The following SHTN1 variants were observed in gnomAD, a reference collection of about 807,000 sequenced individuals.
SHTN1 encodes shootin-1.
A neutral mutation model predicts 83.1 loss-of-function variants in SHTN1; 42 were observed. The observed-to-expected ratio is 0.51, with a 90% CI of 0.39 to 0.65. The LOEUF is 0.65. SHTN1 is among the 30% of genes least tolerant of loss of function. The probability of loss-of-function intolerance (pLI) is 0.00; values close to 1 mark genes in which losing one functional copy is unlikely to be tolerated. For synonymous variants in SHTN1, 224 were observed against 247.7 expected (o/e 0.90, Z 0.90); for missense variants, 622 against 737.8 (o/e 0.84, Z 1.82).
rs397783928 is a variant in SHTN1, at chr10:117,119,855, A to AAT, written c.-189+6450_-189+6451dup. Among the ~76,000 whole-genome samples, 382 of 152,084 alleles carry AAT rather than the reference A, an allele frequency of 2.5e-3. 2 individuals are homozygous for AAT. Among genetic ancestry groups the AAT allele is most frequent in the African/African-American group, 8.9e-3 (370 of 41,534 alleles). Reference sequence around the variant, plus strand: ...TACTAATCAGTTGTAAAAAAAAAAAAATAAGATCCTGTCATTTGCAACAAC... The same window carrying AAT: ...TACTAATCAGTTGTAAAAAAAAAAAAATATAAGATCCTGTCATTTGCAACAAC... On this transcript the variant is annotated intron_variant, in intron 1 of 17. Transcript: ENST00000392901.
chr10:116,947,236 G>A (rs1406715808), intron 7 of SHTN1, among the ~76,000 whole-genome samples: 2 of 152,166 alleles, frequency 1.3e-5, no homozygotes, highest in African/African-American at 4.8e-5. Context: ...GACAGAGGGA[G>A]TGACGATACC....
chr10:116,922,704 C>T (rs899309746), intron 11 of SHTN1, among the ~76,000 whole-genome samples: 1 of 152,148 alleles, frequency 6.6e-6, no homozygotes. Context: ...GTGGCTCACA[C>T]GTGTAATCCC....
intron 1 of SHTN1, among the ~76,000 whole-genome samples, chr10:117,061,346 A>G (rs1033359510): frequency 2.0e-5 from 3 of 150,934 alleles, no homozygotes; most frequent in African/African-American, 7.3e-5. Flanking sequence ...ACAGGTTTGC[A>G]CTACCATGCC....
intron 1 of SHTN1, among the ~76,000 whole-genome samples, chr10:117,082,286 G>T (rs11197891): frequency 0.66 from 78,970 of 119,150 alleles, 27,920 homozygotes; most frequent in Middle Eastern, 0.82. Flanking sequence ...CCTTCATTTC[G>T]TTATGTACCC....
At chr10:116,904,698 C>G (rs1170249627) in intron 15 of SHTN1, among the ~76,000 whole-genome samples, 1 of 152,142 alleles carries the variant, frequency 6.6e-6, no homozygotes, top group Non-Finnish European at 1.5e-5. Context: ...CCTTTCTGTA[C>G]TCTGAATTAT....
chr10:117,048,380 T>G, intron 2 of SHTN1: 1 of 529,688 alleles, frequency 1.9e-6, no homozygotes, highest in Non-Finnish European at 2.4e-6. Flanking sequence ...AAATTCTAGA[T>G]AGGAAAGATT....
In SHTN1 at chr10:116,905,683, T is replaced by C. The variant is rs181108114; in HGVS notation, c.1480+944A>G. Reference sequence around the variant, plus strand: ...ATTTGGTCAATGTGACTCAGCATTTTCCAGATTTAAACTGTTACGATAGAC... The same window carrying C: ...ATTTGGTCAATGTGACTCAGCATTTCCCAGATTTAAACTGTTACGATAGAC... On this transcript the variant is annotated intron_variant, in intron 15 of 16. Transcript: ENST00000355371. 3.6e-3 allele frequency among the ~76,000 whole-genome samples: 550 copies of C among 152,340 alleles called. 2 individuals carry two copies. Among genetic ancestry groups the C allele is most frequent in the African/African-American group, 0.013 (524 of 41,582 alleles).
chr10:117,126,295 G>A (rs534132929), intron 1 of SHTN1: 1 of 163,090 alleles, frequency 6.1e-6, no homozygotes, highest in Non-Finnish European at 1.3e-5. Context: ...CGTCAAAGCA[G>A]GCCTAACTTA....
chr10:116,950,420 G>A (rs537308433), intron 6 of SHTN1, among the ~76,000 whole-genome samples: 9 of 152,144 alleles, frequency 5.9e-5, no homozygotes, highest in Admixed American at 2.6e-4. Context: ...CTCCTGCCTC[G>A]GCCTCCCAAA....
chr10:116,922,046 A>G (rs1377153321), intron 11 of SHTN1, among the ~76,000 whole-genome samples: 1 of 152,208 alleles, frequency 6.6e-6, no homozygotes, highest in Non-Finnish European at 1.5e-5. Flanking sequence ...ATTATGATAA[A>G]TTTGACTATA....
chr10:116,952,888 G>C (rs567073739), intron 5 of SHTN1, among the ~76,000 whole-genome samples: 1 of 152,162 alleles, frequency 6.6e-6, no homozygotes, highest in Admixed American at 6.5e-5. Context: ...ACTTATTTCT[G>C]AATCACTTTC....
At chr10:117,116,825 T>A (rs924743170) in intron 1 of SHTN1, among the ~76,000 whole-genome samples, 1 of 152,162 alleles carries the variant, frequency 6.6e-6, no homozygotes, top group Admixed American at 6.5e-5. Flanking sequence ...ATTATTTCCA[T>A]AGATGCTGAA....
At chr10:117,066,553 T>C (rs1397834347) in intron 1 of SHTN1, among the ~76,000 whole-genome samples, 3 of 152,114 alleles carry the variant, frequency 2.0e-5, no homozygotes, top group Non-Finnish European at 4.4e-5. Context: ...TGTGGGACAA[T>C]ATTATAAGGA....
In SHTN1 at chr10:116,895,587, G is replaced by C. The variant is rs367698813; in HGVS notation, c.1673+6178C>G. Among the ~76,000 whole-genome samples, 158 of 152,244 alleles carry C rather than the reference G, an allele frequency of 1.0e-3. 2 individuals are homozygous for C. In the South Asian group the frequency reaches 0.018, roughly 17 times the overall value. On this transcript the variant is annotated intron_variant, in intron 16 of 16. Coordinates refer to ENST00000355371, the MANE Select transcript of SHTN1 (RefSeq NM_001127211.3). ...ATGAAACTACCTATGAGTATGCAGG[G>C]TCTAAGGAACAGGATGTGAGTATCT...
intron 1 of SHTN1, among the ~76,000 whole-genome samples, chr10:117,108,244 A>T (rs1236051817): frequency 6.6e-6 from 1 of 152,196 alleles, no homozygotes. Flanking sequence ...GCTGCTATAA[A>T]GACACATGCA....
chr10:117,063,350 C>T (rs1213241118), intron 1 of SHTN1, among the ~76,000 whole-genome samples: 2 of 152,270 alleles, frequency 1.3e-5, no homozygotes, highest in Admixed American at 1.3e-4. Context: ...GTTTCAGCAC[C>T]AGGCCCTCTG....
chr10:116,995,542 T>C (rs1000272013), intron 1 of SHTN1, among the ~76,000 whole-genome samples: 1 of 152,170 alleles, frequency 6.6e-6, no homozygotes, highest in Non-Finnish European at 1.5e-5. Context: ...AATTGAAACA[T>C]TTACTTTTCT....
intron 6 of SHTN1, among the ~76,000 whole-genome samples, chr10:116,950,177 T>A (rs1211088585): frequency 2.6e-5 from 4 of 152,124 alleles, no homozygotes; most frequent in African/African-American, 9.7e-5. Flanking sequence ...AAAAATAATT[T>A]TTTTAGAGAC....
At chr10:117,093,159 C>T (rs143808447) in intron 1 of SHTN1, among the ~76,000 whole-genome samples, 1 of 152,190 alleles carries the variant, frequency 6.6e-6, no homozygotes, top group East Asian at 1.9e-4. Context: ...TACCATCATC[C>T]CATATTACAC....
Sources: gnomAD v4.1 joint callset for allele counts (sites outside exome capture counted in the v4.1 genomes callset) on GRCh38, gnomAD v4.1.1 for gene constraint, MANE v1.5 for transcripts, NCBI Gene and HGNC (gene_info 2026-07-23, HGNC 2026-07-21) for gene names.